DNAH7: variants seen among roughly 807,000 people sequenced by gnomAD.
The protein encoded by DNAH7 is dynein axonemal heavy chain 7, also known as axonemal beta dynein heavy chain 7.
In DNAH7, 397 loss-of-function variants were observed where a neutral mutation model predicts 444.6. That is an observed-to-expected ratio of 0.89 (90% CI 0.82 to 0.97). The LOEUF (loss-of-function observed/expected upper bound fraction) is 0.97, where lower values mean the gene tolerates loss of function less well. DNAH7 is among the 50% of genes least tolerant of loss of function. The probability of loss-of-function intolerance (pLI) is 0.00; values close to 1 mark genes in which losing one functional copy is unlikely to be tolerated. For missense variants in DNAH7, 4,902 were observed against 4,800.8 expected, an observed-to-expected ratio of 1.02 and a Z score of -0.62; for synonymous variants, 1,636 against 1,624.4, an observed-to-expected ratio of 1.01 and a Z score of -0.17.
intron 15 of DNAH7, among the ~76,000 whole-genome samples, chr2:195,977,625 C>A (rs888026733): frequency 2.2e-4 from 34 of 151,986 alleles, no homozygotes; most frequent in African/African-American, 8.2e-4. Context: ...AGAAAAATAT[C>A]AATATTTCGG....
At chr2:196,056,108 T>C (rs1394501098) in intron 2 of DNAH7, among the ~76,000 whole-genome samples, 1 of 152,202 alleles carries the variant, frequency 6.6e-6, no homozygotes, top group Non-Finnish European at 1.5e-5. Context: ...ATTCCAGACA[T>C]GGCTGCAGTA....
chr2:195,737,820 A>G lies in DNAH7; in HGVS notation c.*101T>C, dbSNP rs1190854027. On this transcript the variant is annotated 3_prime_UTR_variant, in exon 65 of 65. Transcript: ENST00000312428. ...AATTCATAATTATAACTTTAGTCAAATGTATTTAAACAAACAAAAAAAAAG... is the reference window on the plus strand; with the variant it reads ...AATTCATAATTATAACTTTAGTCAAGTGTATTTAAACAAACAAAAAAAAAG... 9.8e-7 allele frequency: 1 copy of G among 1,016,954 alleles called. No individual in the cohort carries two copies. The highest frequency in any genetic ancestry group is 2.7e-5 in the Admixed American group (1 of 37,636). 63.0% of individuals were successfully genotyped at this position (1,016,954 alleles called of 1,614,324 possible). A position where few individuals can be genotyped will look rare whatever the true frequency, so the allele number is the denominator to read the frequency against.
At position 195,787,160 on chromosome 2, in the gene DNAH7, C is replaced by A. The variant is rs1695660651; in HGVS notation, c.10728G>T (p.Lys3576Asn). Residue 3576 changes from lysine to asparagine, a missense_variant, in exon 58 of 65, where the codon AAG becomes AAT. Transcript: ENST00000312428. ...AGAAACACAGGCCATAAAGCAATTT[C>A]TTGAATTCCTCCTGTAATGAGAAGA... ...FGSCKKPEEF[K>N]KLLYGLCFFH... The A allele has an allele frequency of 1.9e-6, 3 of 1,599,446 alleles. No homozygotes were observed. The highest frequency in any genetic ancestry group is 1.1e-5 in the South Asian group (1 of 88,516).
At chr2:195,864,063 A>T in intron 41 of DNAH7, 86 bp downstream of exon 41, 1 of 1,363,100 alleles carries the variant, frequency 7.3e-7, no homozygotes, top group Non-Finnish European at 1.0e-6. Flanking sequence ...GGGGTAAACT[A>T]CAGGTTGGGA....
chr2:195,750,743 G>C (rs1166681001), intron 63 of DNAH7, among the ~76,000 whole-genome samples: 3 of 152,166 alleles, frequency 2.0e-5, no homozygotes, highest in African/African-American at 7.2e-5. Context: ...AGCCATAGGG[G>C]TATTGTGAGG....
At chr2:195,862,963 G>A (rs575939069) in intron 41 of DNAH7, among the ~76,000 whole-genome samples, 7 of 152,162 alleles carry the variant, frequency 4.6e-5, no homozygotes, top group Non-Finnish European at 8.8e-5. Flanking sequence ...TTGAACCTGG[G>A]AGGCAGAGGT....
At chr2:195,983,432 A>G (rs1197060896) in intron 15 of DNAH7, among the ~76,000 whole-genome samples, 1 of 152,170 alleles carries the variant, frequency 6.6e-6, no homozygotes, top group Non-Finnish European at 1.5e-5. Flanking sequence ...TCATGGCAGA[A>G]GGCAAAGGGT....
At chr2:195,948,674 A>T (rs1044997163) in intron 19 of DNAH7, among the ~76,000 whole-genome samples, 2 of 152,202 alleles carry the variant, frequency 1.3e-5, no homozygotes, top group Admixed American at 6.5e-5. Context: ...TACCAGCACC[A>T]TGCTGTTTCG....
chr2:195,976,743 C>CAGAGAGAGAGAGAGAGAG (rs1692212889), intron 15 of DNAH7, among the ~76,000 whole-genome samples: 25 of 18,348 alleles, frequency 1.4e-3, no homozygotes, highest in Non-Finnish European at 4.1e-3. Context: ...GACAGAGAGG[C>CAGAGAGAGAGAGAGAGAG]AGACAGAGAG....
chr2:195,891,047 C>A (rs887969845), intron 31 of DNAH7, among the ~76,000 whole-genome samples: 1 of 152,138 alleles, frequency 6.6e-6, no homozygotes, highest in Non-Finnish European at 1.5e-5. Context: ...TATTGGTCTG[C>A]GGATTCTTTT....
chr2:195,939,907 T>C (rs546051149), intron 19 of DNAH7, among the ~76,000 whole-genome samples: 10 of 152,270 alleles, frequency 6.6e-5, no homozygotes, highest in Non-Finnish European at 1.0e-4. Context: ...TCCATGCTCA[T>C]GGATAGGAAG....
chr2:195,923,957 A>C, intron 22 of DNAH7, 150 bp from the exon 23 acceptor site: 2 of 787,414 alleles, frequency 2.5e-6, no homozygotes, highest in Non-Finnish European at 4.0e-6. Flanking sequence ...TGTTTTTCTG[A>C]CTACAAAGAT....
At chr2:195,776,023 C>G in intron 59 of DNAH7, 40 bp from the exon 60 acceptor site, 1 of 1,604,798 alleles carries the variant, frequency 6.2e-7, no homozygotes, top group Non-Finnish European at 8.5e-7. Flanking sequence ...GGTTAGAAAT[C>G]AATTACTTTC....
chr2:195,938,651 C>G (rs1414005385), intron 19 of DNAH7, among the ~76,000 whole-genome samples: 3 of 152,070 alleles, frequency 2.0e-5, no homozygotes, highest in African/African-American at 7.2e-5. Flanking sequence ...ATTCCATTTG[C>G]TAAATATTAT....
intron 36 of DNAH7, 22 bp from the exon 37 acceptor site, chr2:195,876,721 T>A: frequency 6.8e-7 from 1 of 1,478,802 alleles, no homozygotes. Context: ...AATAATAAAA[T>A]GAGCCATAGT....
At chr2:196,003,729 C>A (rs1392633260) in intron 10 of DNAH7, among the ~76,000 whole-genome samples, 1 of 152,118 alleles carries the variant, frequency 6.6e-6, no homozygotes, top group Admixed American at 6.6e-5. Flanking sequence ...ATAGTGTAAA[C>A]CATAACAGTT....
chr2:195,976,874 G>C (rs1437047677), intron 15 of DNAH7, among the ~76,000 whole-genome samples: 1 of 151,804 alleles, frequency 6.6e-6, no homozygotes, highest in African/African-American at 2.4e-5. Context: ...TTATATCCAA[G>C]ACCACCAAGG....
At chr2:195,990,912 AATATATATAC>A (rs1478241634) in intron 12 of DNAH7, among the ~76,000 whole-genome samples, 1 of 140,128 alleles carries the variant, frequency 7.1e-6, no homozygotes, top group Non-Finnish European at 1.5e-5. Flanking sequence ...TATATACTTA[AATATATATAC>A]ATATATATAC....
chr2:195,864,086 A>C (rs1342264708), intron 41 of DNAH7, 63 bp downstream of exon 41: 1 of 1,524,092 alleles, frequency 6.6e-7, no homozygotes, highest in African/African-American at 1.4e-5. Flanking sequence ...CTATAAAATA[A>C]GTCATGATGA....
Sources: allele counts gnomAD v4.1 joint callset (sites outside exome capture counted in the v4.1 genomes callset), GRCh38; gene constraint gnomAD v4.1.1; transcripts MANE v1.5; gene names NCBI Gene and HGNC (gene_info 2026-07-23, HGNC 2026-07-21).